MEF2C: variants seen among roughly 807,000 people sequenced by gnomAD.
MEF2C encodes myocyte-specific enhancer factor 2C.
A neutral mutation model predicts 50.5 loss-of-function variants in MEF2C; 6 were observed. That is an observed-to-expected ratio of 0.12 (90% CI 0.07 to 0.23). MEF2C has a LOEUF of 0.23. Among genes scored for constraint, MEF2C ranks in the 10% least tolerant of loss-of-function variants. The pLI is 1.00. For synonymous variants in MEF2C, 183 were observed against 228.0 expected (o/e 0.80, Z 1.78); for missense variants, 276 against 605.0 (o/e 0.46, Z 5.70).
chr5:88,736,439 A>G (rs1285891104), intron 6 of MEF2C, among the ~76,000 whole-genome samples: 1 of 61,052 alleles, frequency 1.6e-5, no homozygotes, highest in Non-Finnish European at 3.9e-5. Flanking sequence ...GCTTGCAGTG[A>G]GCCGAGATTG....
intron 2 of MEF2C, among the ~76,000 whole-genome samples, chr5:88,816,193 A>T (rs1805263037): frequency 6.6e-6 from 1 of 152,034 alleles, no homozygotes; most frequent in Admixed American, 6.6e-5. Flanking sequence ...CCTCTCTCAG[A>T]TTTCCTACCA....
At chr5:88,869,186 A>G (rs1280782085) in intron 1 of MEF2C, among the ~76,000 whole-genome samples, 2 of 148,906 alleles carry the variant, frequency 1.3e-5, no homozygotes, top group African/African-American at 2.5e-5. Context: ...TATCAGTTTC[A>G]CAATCACGTT....
intron 1 of MEF2C, among the ~76,000 whole-genome samples, chr5:88,862,364 G>A (rs1825797152): frequency 6.6e-6 from 1 of 152,108 alleles, no homozygotes; most frequent in Admixed American, 6.5e-5. Flanking sequence ...CAACATAGGA[G>A]GGACAAGCTT....
chr5:88,876,716 A>C (rs1831173294), intron 1 of MEF2C, among the ~76,000 whole-genome samples: 1 of 151,996 alleles, frequency 6.6e-6, no homozygotes, highest in Non-Finnish European at 1.5e-5. Context: ...AAAGAATCAC[A>C]GGTGTGAAAA....
rs1383381645 is a variant in MEF2C, at chr5:88,803,827, A to G, written c.258+771T>C. On this transcript the variant is annotated intron_variant, in intron 3 of 10. Transcript: ENST00000504921. The stretch of plus-strand genomic sequence containing the variant: ...ATAAAATAAAATAAAATAAAATGGG[A>G]AAAAAAATGTTCCAGCCAAAACTGT... 3.3e-5 allele frequency among the ~76,000 whole-genome samples: 5 copies of G among 151,984 alleles called. No homozygotes were observed. The East Asian group carries it at 5.8e-4, about 18-fold the overall frequency.
At chr5:88,794,489 G>T (rs1396630957) in intron 3 of MEF2C, among the ~76,000 whole-genome samples, 3 of 151,724 alleles carry the variant, frequency 2.0e-5, no homozygotes, top group Non-Finnish European at 4.4e-5. Flanking sequence ...TTTTGATGGG[G>T]TTGTTTTTTT....
At chr5:88,760,423 T>A (rs1184185448) in intron 4 of MEF2C, among the ~76,000 whole-genome samples, 1 of 152,256 alleles carries the variant, frequency 6.6e-6, no homozygotes, top group Non-Finnish European at 1.5e-5. Flanking sequence ...TGTTGAAATC[T>A]TACCATTAGG....
chr5:88,819,529 T>G, intron 2 of MEF2C: 11 of 230,418 alleles, frequency 4.8e-5, no homozygotes, highest in Non-Finnish European at 7.9e-5. Context: ...ACTTTGCAAA[T>G]ACTGCTTCTG....
At chr5:88,727,183 C>T (rs1759220354) in intron 10 of MEF2C, among the ~76,000 whole-genome samples, 1 of 152,116 alleles carries the variant, frequency 6.6e-6, no homozygotes, top group African/African-American at 2.4e-5. Flanking sequence ...GAATAGTTAA[C>T]ATTCCAGAGA....
At chr5:88,849,099 C>T (rs562597444) in intron 1 of MEF2C, among the ~76,000 whole-genome samples, 23 of 142,184 alleles carry the variant, frequency 1.6e-4, no homozygotes, top group South Asian at 2.2e-4. Context: ...TGCAGTGAGC[C>T]GAGATCGCGC....
chr5:88,742,453 A>C lies in MEF2C; in HGVS notation c.637+6617T>G, dbSNP rs968459660. The C allele has an allele frequency of 8.2e-6, 8 of 980,656 alleles. No individual in the cohort carries two copies. The South Asian group carries it at 3.8e-4, about 46-fold the overall frequency. 60.7% of individuals were successfully genotyped at this position (980,656 alleles called of 1,614,324 possible). A position where few individuals can be genotyped will look rare whatever the true frequency, so the allele number is the denominator to read the frequency against. On this transcript the variant is annotated intron_variant, in intron 6 of 10. Coordinates refer to ENST00000504921, the MANE Select transcript of MEF2C (RefSeq NM_002397.5). Reference sequence around the variant, plus strand: ...TCTTATCCTTCACACTATTAGGTTAAATCAATGGGATATGAGTAAAGAAAC... The same window carrying C: ...TCTTATCCTTCACACTATTAGGTTACATCAATGGGATATGAGTAAAGAAAC...
At chr5:88,777,144 T>C (rs148682049) in intron 3 of MEF2C, among the ~76,000 whole-genome samples, 22 of 152,334 alleles carry the variant, frequency 1.4e-4, no homozygotes, top group Non-Finnish European at 2.4e-4. Flanking sequence ...AAGGGTATCA[T>C]TTGCAAAATC....
intron 6 of MEF2C, chr5:88,739,722 T>C (rs1456981650): frequency 2.0e-6 from 2 of 985,006 alleles, no homozygotes; most frequent in African/African-American, 3.5e-5. Context: ...AAAATCAGTT[T>C]TGTTTTTATT....
chr5:88,841,047 C>A (rs1299769387), intron 1 of MEF2C, among the ~76,000 whole-genome samples: 1 of 152,156 alleles, frequency 6.6e-6, no homozygotes, highest in East Asian at 1.9e-4. Flanking sequence ...TCCTTGTACA[C>A]TTTTAAGTCT....
chr5:88,899,444 A>T (rs1229157953), intron 1 of MEF2C, among the ~76,000 whole-genome samples: 1 of 152,140 alleles, frequency 6.6e-6, no homozygotes, highest in East Asian at 1.9e-4. Flanking sequence ...CTTTCCTATG[A>T]TTTGTACAAA....
chr5:88,726,213 T>C (rs1758631423), intron 10 of MEF2C, among the ~76,000 whole-genome samples: 1 of 152,140 alleles, frequency 6.6e-6, no homozygotes, highest in Admixed American at 6.6e-5. Context: ...AATATCTACT[T>C]TGGTGGAGCT....
intron 1 of MEF2C, among the ~76,000 whole-genome samples, chr5:88,836,192 T>C (rs910749838): frequency 4.6e-5 from 7 of 152,134 alleles, no homozygotes; most frequent in Non-Finnish European, 1.0e-4. Flanking sequence ...GAAACATAAA[T>C]CTGAAAGTTT....
At chr5:88,803,653 C>T (rs909669644) in intron 3 of MEF2C, among the ~76,000 whole-genome samples, 2 of 152,154 alleles carry the variant, frequency 1.3e-5, no homozygotes, top group Non-Finnish European at 2.9e-5. Flanking sequence ...TATACCTCTT[C>T]CTTTGTTTTG....
At chr5:88,813,727 AC>A (rs1183363641) in intron 2 of MEF2C, among the ~76,000 whole-genome samples, 7 of 152,022 alleles carry the variant, frequency 4.6e-5, no homozygotes, top group Non-Finnish European at 8.8e-5. Flanking sequence ...TCTTAATTGA[AC>A]CTTACAGTGC....
Sources: allele counts gnomAD v4.1 joint callset (sites outside exome capture counted in the v4.1 genomes callset), GRCh38; gene constraint gnomAD v4.1.1; transcripts MANE v1.5; gene names NCBI Gene and HGNC (gene_info 2026-07-23, HGNC 2026-07-21).